SMIM13: variants seen among roughly 807,000 people sequenced by gnomAD.
SMIM13 encodes small integral membrane protein 13.
A neutral mutation model predicts 5.9 loss-of-function variants in SMIM13; 3 were observed. The ratio of observed to expected loss-of-function variants is 0.51; its 90% confidence interval spans 0.23 to 1.31. SMIM13 has a LOEUF of 1.31. Among genes scored for constraint, SMIM13 ranks in the 40% most tolerant of loss-of-function variants. The probability of loss-of-function intolerance (pLI) is 0.18; values close to 1 mark genes in which losing one functional copy is unlikely to be tolerated. For missense variants in SMIM13, 85 were observed against 109.9 expected (o/e 0.77, Z 1.01); for synonymous variants, 55 against 46.0 (o/e 1.19, Z -0.79).
chr6:11,118,425 G>T (rs1346555989), intron 1 of SMIM13, among the ~76,000 whole-genome samples: 3 of 152,192 alleles, frequency 2.0e-5, no homozygotes, highest in African/African-American at 7.2e-5. Context: ...TGGGAGTGGG[G>T]TTGGGACAGG....
At chr6:11,116,133 T>A (rs1222084912) in intron 1 of SMIM13, among the ~76,000 whole-genome samples, 1 of 146,656 alleles carries the variant, frequency 6.8e-6, no homozygotes, top group Non-Finnish European at 1.5e-5. Flanking sequence ...TTCTCGTGCC[T>A]CAGCCTCCCA....
At chr6:11,106,609 T>G (rs1180228551) in intron 1 of SMIM13, among the ~76,000 whole-genome samples, 1 of 152,232 alleles carries the variant, frequency 6.6e-6, no homozygotes, top group African/African-American at 2.4e-5. Context: ...TCAATACCCA[T>G]GTTGGGTGGC....
intron 1 of SMIM13, among the ~76,000 whole-genome samples, chr6:11,113,028 AC>A (rs1173633117): frequency 6.6e-6 from 1 of 152,048 alleles, no homozygotes; most frequent in Non-Finnish European, 1.5e-5. Flanking sequence ...ACGGGGTTTC[AC>A]CATGTTGGCC....
intron 1 of SMIM13, among the ~76,000 whole-genome samples, chr6:11,128,371 G>A (rs1758405777): frequency 6.6e-6 from 1 of 152,118 alleles, no homozygotes; most frequent in Non-Finnish European, 1.5e-5. Context: ...CCCTATTCTA[G>A]TATGGCTAAG....
At chr6:11,101,580 T>G (rs141081171) in intron 1 of SMIM13, among the ~76,000 whole-genome samples, 12 of 152,082 alleles carry the variant, frequency 7.9e-5, no homozygotes, top group South Asian at 2.1e-4. Context: ...AGTGGGCCGA[T>G]TGATTGGTCA....
intron 1 of SMIM13, among the ~76,000 whole-genome samples, chr6:11,107,192 C>T (rs1034418470): frequency 6.6e-6 from 1 of 152,180 alleles, no homozygotes; most frequent in African/African-American, 2.4e-5. Flanking sequence ...GGTTAAGTAT[C>T]TCACAACACA....
intron 1 of SMIM13, among the ~76,000 whole-genome samples, chr6:11,100,010 C>G (rs1444281020): frequency 2.6e-5 from 4 of 151,948 alleles, no homozygotes; most frequent in Non-Finnish European, 5.9e-5. Flanking sequence ...ACATAATTGC[C>G]TTTTTAGCTT....
chr6:11,103,677 C>T, intron 1 of SMIM13: 6 of 1,525,258 alleles, frequency 3.9e-6, no homozygotes, highest in African/African-American at 1.4e-5. Context: ...CACTAGCGAG[C>T]AGTCTAGGGG....
At chr6:11,125,493 G>A (rs1191548085) in intron 1 of SMIM13, among the ~76,000 whole-genome samples, 1 of 152,140 alleles carries the variant, frequency 6.6e-6, no homozygotes, top group Non-Finnish European at 1.5e-5. Flanking sequence ...CTACTCGGGA[G>A]TCTGAGGCAG....
chr6:11,104,401 A>C (rs1758050822), intron 1 of SMIM13: 1 of 1,551,554 alleles, frequency 6.4e-7, no homozygotes, highest in East Asian at 2.4e-5. Context: ...TGGTGAATCG[A>C]CTGGCCACAA....
At chr6:11,109,090 A>G (rs1245782546) in intron 1 of SMIM13, among the ~76,000 whole-genome samples, 1 of 152,170 alleles carries the variant, frequency 6.6e-6, no homozygotes, top group African/African-American at 2.4e-5. Context: ...CCCACAGGGT[A>G]GCCACCAGTG....
In SMIM13 at chr6:11,136,096, TG is replaced by T. The variant is rs1244548426; in HGVS notation, c.*1497del. The T allele has an allele frequency of 2.0e-5, 3 of 152,200 alleles. No homozygotes were observed. The East Asian group carries it at 5.8e-4, about 29-fold the overall frequency. The allele number at this position is 152,200 out of a possible 1,614,324, so 9.4% of individuals were successfully genotyped here. A position where few individuals can be genotyped will look rare whatever the true frequency, so the allele number is the denominator to read the frequency against. Reference sequence around the variant, plus strand: ...GAACTATCTTCTACTTTAGGAAGAGTGGGATTAGTTACTCCCTTTGTATAGG... The same window carrying T: ...GAACTATCTTCTACTTTAGGAAGAGTGGATTAGTTACTCCCTTTGTATAGG... On this transcript the variant is annotated 3_prime_UTR_variant, in exon 2 of 2. Transcript: ENST00000416247.
At chr6:11,125,287 T>C (rs1581919964) in intron 1 of SMIM13, among the ~76,000 whole-genome samples, 1 of 97,564 alleles carries the variant, frequency 1.0e-5, no homozygotes, top group Admixed American at 1.3e-4. Context: ...AGAGTGAGAC[T>C]CCATCTTAAA....
chr6:11,137,250 A>G lies in SMIM13; in HGVS notation c.*2648A>G, dbSNP rs1402833149. On this transcript the variant is annotated 3_prime_UTR_variant, in exon 2 of 2. Coordinates refer to ENST00000416247, the MANE Select transcript of SMIM13 (RefSeq NM_001135575.2). ...GGGTAAAGAAACATCACTGATGCCA[A>G]TATGAAGATCTATAAACAAATCCTT... The G allele has an allele frequency of 2.0e-5, 3 of 152,204 alleles. No homozygotes were observed. The highest frequency in any genetic ancestry group is 1.9e-4 in the East Asian group (1 of 5,200). The allele number at this position is 152,204 out of a possible 1,614,324, so 9.4% of individuals were successfully genotyped here.
intron 1 of SMIM13, among the ~76,000 whole-genome samples, chr6:11,133,988 T>G (rs1248653021): frequency 6.6e-6 from 1 of 152,148 alleles, no homozygotes; most frequent in Non-Finnish European, 1.5e-5. Flanking sequence ...GTTTAAGGCC[T>G]TATGGATTCT....
intron 1 of SMIM13, chr6:11,104,716 A>G (rs1056843483): frequency 6.2e-7 from 1 of 1,614,114 alleles, no homozygotes; most frequent in Non-Finnish European, 8.5e-7. Flanking sequence ...GTACTGCATG[A>G]GCTTGGGCGT....
At chr6:11,125,325 G>T (rs1405010124) in intron 1 of SMIM13, among the ~76,000 whole-genome samples, 8 of 150,816 alleles carry the variant, frequency 5.3e-5, no homozygotes, top group African/African-American at 1.7e-4. Flanking sequence ...GCCTGGTGTG[G>T]TGGCTCACGC....
intron 1 of SMIM13, among the ~76,000 whole-genome samples, chr6:11,096,730 A>T: frequency 6.8e-6 from 1 of 146,086 alleles, no homozygotes; most frequent in East Asian, 2.0e-4. Context: ...TTGGAGTTTC[A>T]CTCTCGTTGC....
At chr6:11,101,872 T>C (rs1169080553) in intron 1 of SMIM13, among the ~76,000 whole-genome samples, 1 of 151,872 alleles carries the variant, frequency 6.6e-6, no homozygotes, top group Non-Finnish European at 1.5e-5. Flanking sequence ...CCCAAGTAGC[T>C]GTATTACAGG....
Sources: gnomAD v4.1 joint callset for allele counts (sites outside exome capture counted in the v4.1 genomes callset) on GRCh38, gnomAD v4.1.1 for gene constraint, MANE v1.5 for transcripts, NCBI Gene and HGNC (gene_info 2026-07-23, HGNC 2026-07-21) for gene names.